The following GRIK5 variants were observed in gnomAD, a reference collection of about 807,000 sequenced individuals.
GRIK5 encodes the protein glutamate ionotropic receptor kainate type subunit 5.
In GRIK5, 43 loss-of-function variants were observed where a neutral mutation model predicts 97.4. The ratio of observed to expected loss-of-function variants is 0.44; its 90% CI spans 0.35 to 0.57. The LOEUF is 0.57. GRIK5 is among the 20% of genes least tolerant of loss of function. GRIK5 has a pLI of 0.01. For synonymous variants in GRIK5, 580 were observed against 583.5 expected (o/e 0.99, Z 0.09); for missense variants, 1,015 against 1,382.0 (o/e 0.73, Z 4.21).
At chr19:42,061,075 T>C (rs943785724) in intron 5 of GRIK5, among the ~76,000 whole-genome samples, 1 of 152,048 alleles carries the variant, frequency 6.6e-6, no homozygotes. Flanking sequence ...TGAGACGGAG[T>C]CTCGCTCTGT....
At chr19:42,053,997 C>T (rs181204032) in intron 9 of GRIK5, 68 bp from the exon 10 acceptor site, 29 of 1,024,298 alleles carry the variant, frequency 2.8e-5, no homozygotes, top group East Asian at 2.4e-4. Flanking sequence ...GAAGGCCCAA[C>T]GTGGTGAGAC....
At chr19:42,067,686 G>T (rs909334455) in intron 1 of GRIK5, among the ~76,000 whole-genome samples, 1 of 152,160 alleles carries the variant, frequency 6.6e-6, no homozygotes, top group Admixed American at 6.5e-5. Context: ...AAAGGTGGGA[G>T]CAGACAGAGA....
rs971843881 is a variant in GRIK5, at chr19:41,999,611, T to C, written c.2515-312A>G. Among the ~76,000 whole-genome samples, 4 of 152,364 alleles carry C rather than the reference T, an allele frequency of 2.6e-5. No individual in the cohort carries two copies. In the South Asian group the frequency reaches 8.3e-4, roughly 32 times the overall value. ...TCTCTAAATTTTCTCCAGTTCTTCC[T>C]TCCTGATTTCCCATCTTCTGCCCCT... is the stretch of plus-strand genomic sequence containing the variant. On this transcript the variant is annotated intron_variant, in intron 19 of 19. Transcript: ENST00000593562. This position sits in a 1 kb window ranked among gnomAD's most constrained non-coding sequence, Gnocchi z 5.0.
rs782366681 is a variant in GRIK5 at position 42,002,010 on chromosome 19, C to A, written c.2514+1322G>T. On this transcript the variant is annotated intron_variant, in intron 19 of 19. Transcript: ENST00000593562. The surrounding 1 kb of genome is among the most constrained non-coding windows in gnomAD (Gnocchi z 5.2). ...ACGAGGGAGCCTGGGAAGGAGTGAC[C>A]GGAGAAGTGGGAGAAGGGGAAGAAG... 8.8e-5 allele frequency: 55 copies of A among 625,624 alleles called. No individual in the cohort carries two copies. The highest frequency in any genetic ancestry group is 7.5e-5 in the Non-Finnish European group (26 of 347,796). The allele number at this position is 625,624 out of a possible 1,614,324, so 38.8% of individuals were successfully genotyped here.
At position 42,054,305 on chromosome 19, in the gene GRIK5, C is replaced by T; in HGVS notation, c.1056+15G>A. The T allele has an allele frequency of 6.3e-7, 1 of 1,598,950 alleles. No homozygotes were observed. Among genetic ancestry groups the T allele is most frequent in the East Asian group, 2.2e-5 (1 of 44,500 alleles). The stretch of plus-strand genomic sequence containing the variant: ...CCGTGTCCTGCCTCCTCCACCCATC[C>T]CCGCTCGGGCTCACCATGCGCAGGT... On this transcript the variant is annotated intron_variant, in intron 9 of 19. Transcript: ENST00000593562.
chr19:42,022,916 G>A lies in GRIK5; in HGVS notation c.1474-562C>T, dbSNP rs1185525958. On this transcript the variant is annotated intron_variant, in intron 12 of 19. Transcript: ENST00000593562. The surrounding 1 kb of genome is among the most constrained non-coding windows in gnomAD (Gnocchi z 4.2). ...CCAAACAGCATCCTGGTCAGGAGAC[G>A]ACACTGGTACCAAAGCACAACCCTG... Among the ~76,000 whole-genome samples the A allele has an allele frequency of 6.6e-6, 1 of 152,006 alleles. No individual in the cohort carries two copies. Among genetic ancestry groups the A allele is most frequent in the African/African-American group, 2.4e-5 (1 of 41,378 alleles).
At chr19:42,040,222 C>T (rs1396477953) in intron 12 of GRIK5, among the ~76,000 whole-genome samples, 1 of 152,220 alleles carries the variant, frequency 6.6e-6, no homozygotes, top group East Asian at 1.9e-4. Context: ...TCAGCTGCCA[C>T]ACTTTGCTGG....
intron 9 of GRIK5, among the ~76,000 whole-genome samples, 173 bp downstream of exon 9, chr19:42,054,147 A>AAG (rs140023202): frequency 1.3e-5 from 2 of 151,666 alleles, no homozygotes; most frequent in South Asian, 4.2e-4. Context: ...AAGACTCAGA[A>AAG]AGAGAGAGAG....
intron 12 of GRIK5, among the ~76,000 whole-genome samples, chr19:42,029,218 C>T (rs2075810235): frequency 6.6e-6 from 1 of 151,998 alleles, no homozygotes. Context: ...CAGGCGTGTG[C>T]CACCATGCCC....
chr19:42,013,849 G>T (rs993340377), intron 15 of GRIK5, among the ~76,000 whole-genome samples: 1 of 152,002 alleles, frequency 6.6e-6, no homozygotes, highest in Non-Finnish European at 1.5e-5. Flanking sequence ...GCAACACAGT[G>T]AGACTTCGTC....
chr19:42,049,580 C>T (rs1296165098), intron 11 of GRIK5, among the ~76,000 whole-genome samples: 1 of 152,156 alleles, frequency 6.6e-6, no homozygotes, highest in Non-Finnish European at 1.5e-5. Flanking sequence ...CAAAGCTGAT[C>T]TGTGGTGACG....
Position 41,999,001 on chromosome 19 carries a change from C to A in GRIK5, c.2813G>T (p.Arg938Leu). The A allele has an allele frequency of 8.2e-7, 1 of 1,221,322 alleles. No individual in the cohort carries two copies. Among genetic ancestry groups the A allele is most frequent in the South Asian group, 2.6e-5 (1 of 38,012 alleles). 75.7% of individuals were successfully genotyped at this position (1,221,322 alleles called of 1,614,324 possible). The change falls in exon 20 of 20, where the codon CGC becomes CTC. Residue 938 changes from arginine (R) to leucine (L), a missense_variant. This residue lies in a region of GRIK5 where 109 missense variants were observed against 100.4 expected (regional missense o/e 1.09). Coordinates refer to ENST00000593562, the MANE Select transcript of GRIK5 (RefSeq NM_002088.5). The surrounding 1 kb of genome is among the most constrained non-coding windows in gnomAD (Gnocchi z 5.0). ...CCCCGAGGCCCGCAGCGCCTGGATG[C>A]GCCGGCACTCCTGGCAGACGCGCAC... ...THVRVCQECR[R>L]IQALRASGAG...
At chr19:42,058,772 G>A (rs1599843673) in intron 6 of GRIK5, among the ~76,000 whole-genome samples, 1 of 148,874 alleles carries the variant, frequency 6.7e-6, no homozygotes, top group East Asian at 2.0e-4. Flanking sequence ...GTTGCAGTGA[G>A]CTGAGATTGT....
chr19:42,024,214 CTT>C (rs1186656185), intron 12 of GRIK5, among the ~76,000 whole-genome samples: 22 of 141,076 alleles, frequency 1.6e-4, no homozygotes, highest in Non-Finnish European at 2.2e-4. Context: ...CCCATTGGCC[CTT>C]TTTTTTTTTT....
intron 5 of GRIK5, among the ~76,000 whole-genome samples, chr19:42,061,824 C>T (rs999895190): frequency 6.6e-6 from 1 of 152,218 alleles, no homozygotes; most frequent in Non-Finnish European, 1.5e-5. Flanking sequence ...GTTCTCTACA[C>T]TGCAGCCAAA....
In GRIK5 at chr19:42,006,623, T is replaced by G; in HGVS notation, c.2037+22A>C. On this transcript the variant is annotated intron_variant, in intron 16 of 19. Transcript: ENST00000593562. This position sits in a 1 kb window ranked among gnomAD's most constrained non-coding sequence, Gnocchi z 5.3. ...ATGGCAGGGATCCCAACACCACGCCTGAGAGGTTCTGGTGGCCCCACCTGG... is the reference window on the plus strand; with the variant it reads ...ATGGCAGGGATCCCAACACCACGCCGGAGAGGTTCTGGTGGCCCCACCTGG... The G allele has an allele frequency of 2.5e-6, 4 of 1,609,874 alleles. No homozygotes were observed. Among genetic ancestry groups the G allele is most frequent in the Non-Finnish European group, 1.7e-6 (2 of 1,176,794 alleles).
chr19:42,037,734 T>C (rs923877726), intron 12 of GRIK5, among the ~76,000 whole-genome samples: 1 of 152,148 alleles, frequency 6.6e-6, no homozygotes, highest in Non-Finnish European at 1.5e-5. Context: ...GCTCTGTCAG[T>C]AGAAGAGCGT....
At chr19:42,061,914 C>T (rs1871663119) in intron 5 of GRIK5, among the ~76,000 whole-genome samples, 1 of 152,260 alleles carries the variant, frequency 6.6e-6, no homozygotes, top group African/African-American at 2.4e-5. Flanking sequence ...CCCATCATCT[C>T]TTGCTTCGTT....
Position 42,065,462 on chromosome 19 carries a change from G to A in GRIK5, c.80-75C>T, listed in dbSNP as rs1213287544. On this transcript the variant is annotated intron_variant, in intron 2 of 19. Coordinates refer to ENST00000593562, the MANE Select transcript of GRIK5 (RefSeq NM_002088.5). This position sits in a 1 kb window ranked among gnomAD's most constrained non-coding sequence, Gnocchi z 5.8. ...AGGGGGCTGTGGTCTTAGACTCCAG[G>A]GCTCTAGGGTGAGGTGGGTATACGG... is the stretch of plus-strand genomic sequence containing the variant. 2.8e-6 allele frequency: 4 copies of A among 1,442,816 alleles called. No homozygotes were observed. Among genetic ancestry groups the A allele is most frequent in the African/African-American group, 1.4e-5 (1 of 71,060 alleles). 89.4% of individuals were successfully genotyped at this position (1,442,816 alleles called of 1,614,324 possible).
Sources: allele counts gnomAD v4.1 joint callset (sites outside exome capture counted in the v4.1 genomes callset), GRCh38; gene constraint gnomAD v4.1.1; regional missense constraint gnomAD v4.1.1; non-coding constraint Gnocchi (gnomAD v3.1); transcripts MANE v1.5; gene names NCBI Gene and HGNC (gene_info 2026-07-23, HGNC 2026-07-21).